Variants in ADAP2 observed in about 807,000 individuals in gnomAD.
ADAP2 encodes the protein arf-GAP with dual PH domain-containing protein 2.
In ADAP2, 42 loss-of-function variants were observed where a neutral mutation model predicts 54.9. The observed-to-expected ratio is 0.77, with a 90% CI of 0.60 to 0.99. The LOEUF is 0.99. Among genes scored for constraint, ADAP2 ranks in the 50% least tolerant of loss-of-function variants. The pLI is 0.00. For missense variants in ADAP2, 429 were observed against 480.4 expected (o/e 0.89, Z 1.00); for synonymous variants, 177 against 180.1 (o/e 0.98, Z 0.14).
intron 8 of ADAP2, 173 bp from the exon 9 acceptor site, chr17:30,954,305 T>TG (rs1424245988): frequency 3.2e-6 from 2 of 623,128 alleles, no homozygotes; most frequent in African/African-American, 3.6e-5. Flanking sequence ...CTTCAGAGCC[T>TG]GAGGGCTCCT....
At chr17:30,940,291 G>A (rs1157383497) in intron 5 of ADAP2, among the ~76,000 whole-genome samples, 1 of 149,962 alleles carries the variant, frequency 6.7e-6, no homozygotes, top group African/African-American at 2.5e-5. Context: ...ACTGAAGAAA[G>A]ATGGGTACCC....
intron 2 of ADAP2, among the ~76,000 whole-genome samples, chr17:30,926,531 G>A (rs79911249): frequency 2.7e-4 from 41 of 152,228 alleles, no homozygotes; most frequent in Non-Finnish European, 4.3e-4. Context: ...AACCTAACCC[G>A]TCTGAGCCTC....
Position 30,956,491 on chromosome 17 carries a change from G to A in ADAP2, c.1111+22G>A, listed in dbSNP as rs375094164. On this transcript the variant is annotated intron_variant, in intron 10 of 10. Transcript: ENST00000330889. ...CTTAGTAAGAAGCAGGAACTGAGGG[G>A]TGTTCTTTTGGACAAGGGCAGAGGA... 64 of 1,610,322 alleles carry A rather than the reference G, an allele frequency of 4.0e-5. 1 individual carries two copies. The highest frequency in any genetic ancestry group is 5.0e-5 in the Non-Finnish European group (59 of 1,177,222).
At chr17:30,942,346 G>A (rs1440391459) in intron 5 of ADAP2, among the ~76,000 whole-genome samples, 1 of 152,184 alleles carries the variant, frequency 6.6e-6, no homozygotes, top group African/African-American at 2.4e-5. Flanking sequence ...GTGTTGGTGA[G>A]TATATGGGGA....
At chr17:30,927,609 C>T (rs28373158) in intron 3 of ADAP2, among the ~76,000 whole-genome samples, 4,124 of 141,820 alleles carry the variant, frequency 0.029, 180 homozygotes, top group African/African-American at 0.11. Context: ...AGCGAGACTC[C>T]GGCTCAAAAA....
intron 5 of ADAP2, among the ~76,000 whole-genome samples, chr17:30,935,302 A>C (rs1009957246): frequency 1.3e-5 from 2 of 152,130 alleles, no homozygotes; most frequent in African/African-American, 2.4e-5. Flanking sequence ...TGGGAGGTGG[A>C]GGTTGTGGTG....
rs758048485 is a variant in ADAP2 at position 30,957,877 on chromosome 17, A to T, written c.*8A>T. On this transcript the variant is annotated 3_prime_UTR_variant, in exon 11 of 11. Coordinates refer to ENST00000330889, the MANE Select transcript of ADAP2 (RefSeq NM_018404.3). ...GGCCGCAGCAGCAGGTGACCCATTA[A>T]CTGAGGAACTGGCTGCCACTGAACA... The T allele has an allele frequency of 6.2e-7, 1 of 1,612,188 alleles. No individual in the cohort carries two copies. Among genetic ancestry groups the T allele is most frequent in the Admixed American group, 1.7e-5 (1 of 59,800 alleles).
chr17:30,957,464 G>A (rs1905159921), intron 10 of ADAP2, among the ~76,000 whole-genome samples: 1 of 150,750 alleles, frequency 6.6e-6, no homozygotes, highest in African/African-American at 2.4e-5. Flanking sequence ...GTCTTGCACT[G>A]TCACCCAGGC....
At chr17:30,930,745 C>T (rs1911413347) in intron 3 of ADAP2, among the ~76,000 whole-genome samples, 1 of 152,154 alleles carries the variant, frequency 6.6e-6, no homozygotes, top group Non-Finnish European at 1.5e-5. Flanking sequence ...GGGGTAAGGT[C>T]ATATATACCT....
rs544215117 is a variant in ADAP2 at position 30,955,133 on chromosome 17, A to C, written c.882+578A>C. On this transcript the variant is annotated intron_variant, in intron 9 of 10. Coordinates refer to ENST00000330889, the MANE Select transcript of ADAP2 (RefSeq NM_018404.3). Reference sequence around the variant, plus strand: ...CACTTATTTTTTTTTTTTTAGAGACAGAGTCTCTCTCTGTCACCCAGGCTG... The same window carrying C: ...CACTTATTTTTTTTTTTTTAGAGACCGAGTCTCTCTCTGTCACCCAGGCTG... Among the ~76,000 whole-genome samples, 622 of 151,148 alleles carry C rather than the reference A, an allele frequency of 4.1e-3. 2 individuals carry two copies. The highest frequency in any genetic ancestry group is 7.4e-3 in the Non-Finnish European group (500 of 67,812).
chr17:30,947,536 A>T (rs1472752326), intron 6 of ADAP2, among the ~76,000 whole-genome samples: 1 of 152,176 alleles, frequency 6.6e-6, no homozygotes, highest in Admixed American at 6.6e-5. Flanking sequence ...TATTTTTAGT[A>T]GAGATGGGGT....
At chr17:30,957,559 C>T (rs143100551) in intron 10 of ADAP2, among the ~76,000 whole-genome samples, 1 of 152,258 alleles carries the variant, frequency 6.6e-6, no homozygotes, top group Non-Finnish European at 1.5e-5. Context: ...TCCCAAGTAG[C>T]TGGGACTACA....
chr17:30,926,607 G>A (rs941911464), intron 2 of ADAP2, among the ~76,000 whole-genome samples: 1 of 152,204 alleles, frequency 6.6e-6, no homozygotes, highest in African/African-American at 2.4e-5. Context: ...GTGAGCTGAT[G>A]TGTGAGCACT....
intron 3 of ADAP2, among the ~76,000 whole-genome samples, chr17:30,930,243 T>G (rs553144484): frequency 7.5e-4 from 114 of 151,976 alleles, no homozygotes; most frequent in African/African-American, 2.7e-3. Flanking sequence ...AGCTAATTTT[T>G]GTATTTTTGG....
At chr17:30,933,569 G>A (rs1036264026) in intron 4 of ADAP2, among the ~76,000 whole-genome samples, 3 of 152,016 alleles carry the variant, frequency 2.0e-5, no homozygotes, top group Non-Finnish European at 4.4e-5. Context: ...GCACAATCTC[G>A]GCTCGCTGCA....
chr17:30,950,518 A>G (rs1031564452), intron 7 of ADAP2, among the ~76,000 whole-genome samples: 3 of 152,108 alleles, frequency 2.0e-5, no homozygotes, highest in Non-Finnish European at 2.9e-5. Context: ...CTGAGATTCT[A>G]TGCTCTGGTC....
chr17:30,937,737 G>T (rs563635246), intron 5 of ADAP2, among the ~76,000 whole-genome samples: 2 of 152,336 alleles, frequency 1.3e-5, no homozygotes, highest in African/African-American at 4.8e-5. Context: ...TGGATGTGGG[G>T]TGTGAGAGTA....
At chr17:30,944,852 A>G in intron 5 of ADAP2, 55 bp from the exon 6 acceptor site, 1 of 1,578,700 alleles carries the variant, frequency 6.3e-7, no homozygotes, top group East Asian at 2.2e-5. Flanking sequence ...GTGAAGGTTG[A>G]CCAGAAGTCA....
At chr17:30,927,010 G>C in intron 3 of ADAP2, 92 bp downstream of exon 3, 1 of 1,021,120 alleles carries the variant, frequency 9.8e-7, no homozygotes, top group Non-Finnish European at 1.5e-6. Context: ...ATCTGTGGTG[G>C]TCTCTTCTAT....
Sources: allele counts gnomAD v4.1 joint callset (sites outside exome capture counted in the v4.1 genomes callset), GRCh38; gene constraint gnomAD v4.1.1; transcripts MANE v1.5; gene names NCBI Gene and HGNC (gene_info 2026-07-23, HGNC 2026-07-21).